CADM2: variants seen among roughly 807,000 people sequenced by gnomAD.
CADM2 encodes cell adhesion molecule 2, also known as immunoglobulin superfamily member 4D.
A neutral mutation model predicts 49.8 loss-of-function variants in CADM2; 12 were observed. The observed-to-expected ratio is 0.24, with a 90% confidence interval of 0.15 to 0.39. The LOEUF is 0.39. Among genes scored for constraint, CADM2 ranks in the 10% least tolerant of loss-of-function variants. The probability of loss-of-function intolerance (pLI) is 1.00; values close to 1 mark genes in which losing one functional copy is unlikely to be tolerated. For synonymous variants in CADM2, 214 were observed against 175.4 expected (o/e 1.22, Z -1.74); for missense variants, 378 against 492.3 (o/e 0.77, Z 2.20).
intron 8 of CADM2, chr3:85,992,267 G>A (rs1728870151): frequency 6.6e-6 from 1 of 151,926 alleles, no homozygotes; most frequent in African/African-American, 2.4e-5. Context: ...TATTTTGCAT[G>A]CTTTTTATCA....
chr3:85,220,588 AC>A (rs1376721110), intron 1 of CADM2, among the ~76,000 whole-genome samples: 1 of 152,160 alleles, frequency 6.6e-6, no homozygotes, highest in Non-Finnish European at 1.5e-5. Context: ...CATTGACCAT[AC>A]TACAGGAGTA....
At chr3:84,983,400 C>T (rs184936651) in intron 1 of CADM2, among the ~76,000 whole-genome samples, 33 of 151,070 alleles carry the variant, frequency 2.2e-4, no homozygotes, top group East Asian at 2.0e-3. Context: ...TTATTATTCC[C>T]GTGTAGTAGT....
intron 1 of CADM2, among the ~76,000 whole-genome samples, chr3:85,200,968 AC>A (rs1262099596): frequency 6.6e-6 from 1 of 152,282 alleles, no homozygotes; most frequent in African/African-American, 2.4e-5. Context: ...GCTCTAACTT[AC>A]TTTACATGTG....
intron 1 of CADM2, among the ~76,000 whole-genome samples, chr3:85,116,906 T>C (rs1435289867): frequency 6.6e-6 from 1 of 152,160 alleles, no homozygotes; most frequent in Non-Finnish European, 1.5e-5. Context: ...AAAGATAAGA[T>C]AATTTTAGGA....
chr3:85,761,367 C>CTTTTTTTTTTTT (rs529447125), intron 2 of CADM2, among the ~76,000 whole-genome samples: 4 of 101,090 alleles, frequency 4.0e-5, no homozygotes, highest in African/African-American at 1.9e-4. Flanking sequence ...CAACACAAAA[C>CTTTTTTTTTTTT]TTTTTTTTTT....
intron 1 of CADM2, among the ~76,000 whole-genome samples, chr3:85,467,787 A>G (rs2038566558): frequency 6.6e-6 from 1 of 152,118 alleles, no homozygotes; most frequent in Non-Finnish European, 1.5e-5. Flanking sequence ...TCTTGTTTGT[A>G]CTCCTCAAAG....
chr3:85,421,278 G>C (rs1045329669), intron 1 of CADM2, among the ~76,000 whole-genome samples: 5 of 152,122 alleles, frequency 3.3e-5, no homozygotes, highest in African/African-American at 1.2e-4. Flanking sequence ...TGTTAAAAAT[G>C]GAGCAGTTAG....
chr3:85,221,802 G>A (rs2042050205), intron 1 of CADM2, among the ~76,000 whole-genome samples: 1 of 152,144 alleles, frequency 6.6e-6, no homozygotes, highest in Non-Finnish European at 1.5e-5. Context: ...TCTGAGCAAG[G>A]CATGACATCT....
chr3:85,940,221 C>A (rs1721718222), intron 7 of CADM2, among the ~76,000 whole-genome samples: 2 of 148,972 alleles, frequency 1.3e-5, no homozygotes, highest in Non-Finnish European at 1.5e-5. Flanking sequence ...CGCCTGTAAT[C>A]CCAGCTACTG....
intron 1 of CADM2, among the ~76,000 whole-genome samples, chr3:85,018,639 AC>A (rs1305554586): frequency 6.6e-6 from 1 of 152,140 alleles, no homozygotes; most frequent in Non-Finnish European, 1.5e-5. Flanking sequence ...ACATAAACTC[AC>A]AGATACTTTT....
intron 1 of CADM2, among the ~76,000 whole-genome samples, chr3:85,672,143 A>G (rs1245254676): frequency 6.6e-6 from 1 of 152,132 alleles, no homozygotes; most frequent in African/African-American, 2.4e-5. Flanking sequence ...GAAAGAAATA[A>G]ACAGACAAGT....
intron 1 of CADM2, among the ~76,000 whole-genome samples, chr3:85,661,823 T>A (rs1241367521): frequency 1.3e-5 from 2 of 152,066 alleles, no homozygotes; most frequent in Non-Finnish European, 2.9e-5. Flanking sequence ...AAAACTCATT[T>A]TTTTAACTTT....
chr3:85,577,984 T>TTTACTTCCTTCC (rs2062685907), intron 1 of CADM2, among the ~76,000 whole-genome samples: 1 of 134,220 alleles, frequency 7.5e-6, no homozygotes, highest in Admixed American at 7.6e-5. Context: ...TATTAATCTC[T>TTTACTTCCTTCC]TTCCTTCCTT....
intron 3 of CADM2, among the ~76,000 whole-genome samples, chr3:85,812,838 T>C (rs979796641): frequency 2.0e-5 from 3 of 152,200 alleles, no homozygotes; most frequent in African/African-American, 4.8e-5. Context: ...GTGAAAATGA[T>C]GGTTTCCAGT....
At chr3:85,182,027 AT>A (rs1207777381) in intron 1 of CADM2, among the ~76,000 whole-genome samples, 1 of 151,086 alleles carries the variant, frequency 6.6e-6, no homozygotes, top group Non-Finnish European at 1.5e-5. Context: ...AATTATGCAT[AT>A]TCAAATATAC....
chr3:85,079,521 A>G (rs1285447633), intron 1 of CADM2, among the ~76,000 whole-genome samples: 1 of 151,862 alleles, frequency 6.6e-6, no homozygotes, highest in Non-Finnish European at 1.5e-5. Context: ...GATGTTCACA[A>G]TGAGAAATAA....
intron 1 of CADM2, among the ~76,000 whole-genome samples, chr3:85,719,005 C>A (rs1426896921): frequency 6.6e-6 from 1 of 151,424 alleles, no homozygotes; most frequent in Non-Finnish European, 1.5e-5. Flanking sequence ...CTCCACTTTT[C>A]ACATTCAAGC....
chr3:85,170,952 CT>C (rs1219446782), intron 1 of CADM2, among the ~76,000 whole-genome samples: 1 of 152,164 alleles, frequency 6.6e-6, no homozygotes, highest in Non-Finnish European at 1.5e-5. Context: ...CAGCCTGGGG[CT>C]TTTTTTCAGT....
intron 1 of CADM2, among the ~76,000 whole-genome samples, chr3:85,624,578 G>A (rs192924304): frequency 1.4e-3 from 212 of 152,040 alleles, no homozygotes; most frequent in South Asian, 2.3e-3. Context: ...TCATCCACCC[G>A]CCTTGACCTC....
Sources: gnomAD v4.1 joint callset for allele counts (sites outside exome capture counted in the v4.1 genomes callset) on GRCh38, gnomAD v4.1.1 for gene constraint, MANE v1.5 for transcripts, NCBI Gene and HGNC (gene_info 2026-07-23, HGNC 2026-07-21) for gene names.